Variants in SNX30 observed in about 807,000 individuals in gnomAD.
SNX30 encodes sorting nexin-30.
A neutral mutation model predicts 46.4 loss-of-function variants in SNX30; 24 were observed. That is an observed-to-expected ratio of 0.52 (90% confidence interval 0.37 to 0.73). SNX30 has a LOEUF of 0.73. SNX30 is among the 30% of genes least tolerant of loss of function. SNX30 has a pLI of 0.00. For missense variants in SNX30, 533 were observed against 555.7 expected (o/e 0.96, Z 0.41); for synonymous variants, 189 against 211.5 (o/e 0.89, Z 0.92).
downstream of SNX30, among the ~76,000 whole-genome samples, chr9:112,884,499 A>G (rs1841620915): frequency 3.3e-5 from 5 of 152,306 alleles, no homozygotes; most frequent in South Asian, 6.2e-4. Context: ...CTCCCTTTAC[A>G]CCAGAGATTC....
intron 1 of SNX30, among the ~76,000 whole-genome samples, chr9:112,797,684 GCT>G (rs1026947557): frequency 6.7e-6 from 1 of 148,416 alleles, no homozygotes; most frequent in African/African-American, 2.5e-5. Flanking sequence ...AGGTGCTTGC[GCT>G]CTCTCTTCTT....
At chr9:112,756,577 C>T (rs1181671415) in intron 1 of SNX30, among the ~76,000 whole-genome samples, 4 of 151,738 alleles carry the variant, frequency 2.6e-5, no homozygotes, top group African/African-American at 9.7e-5. Context: ...TTTCCTGCCT[C>T]AGCCTCCTGA....
At chr9:112,833,292 G>A (rs1457346590) in intron 4 of SNX30, among the ~76,000 whole-genome samples, 5 of 151,328 alleles carry the variant, frequency 3.3e-5, no homozygotes, top group Admixed American at 2.6e-4. Context: ...TTCTGCCTTA[G>A]GGAATGCAGA....
Position 112,804,717 on chromosome 9 carries a change from T to C in SNX30, c.157-59T>C, listed in dbSNP as rs1048418299. 2.1e-6 allele frequency: 3 copies of C among 1,409,372 alleles called. No homozygotes were observed. The African/African-American group carries it at 5.7e-5, about 27-fold the overall frequency. 87.3% of individuals were successfully genotyped at this position (1,409,372 alleles called of 1,614,324 possible). Reference sequence around the variant, plus strand: ...ATTGGTTTGGCTAAACCAGCTGCTTTTGCTGATACTCTCCAGTATGTTTTC... The same window carrying C: ...ATTGGTTTGGCTAAACCAGCTGCTTCTGCTGATACTCTCCAGTATGTTTTC... On this transcript the variant is annotated intron_variant, in intron 1 of 8. Coordinates refer to ENST00000374232, the MANE Select transcript of SNX30 (RefSeq NM_001012994.2).
chr9:112,762,343 C>T (rs940270512), intron 1 of SNX30, among the ~76,000 whole-genome samples: 4 of 152,002 alleles, frequency 2.6e-5, no homozygotes, highest in African/African-American at 7.3e-5. Context: ...CGAGTGCAGG[C>T]GCTTTTCAAA....
intron 1 of SNX30, among the ~76,000 whole-genome samples, chr9:112,760,613 A>G (rs1468919557): frequency 6.6e-6 from 1 of 152,202 alleles, no homozygotes. Context: ...GAAGAGGGGC[A>G]AGATCATTTG....
Position 112,751,102 on chromosome 9 carries a change from G to A in SNX30, c.101G>A (p.Gly34Asp). 1 of 1,520,992 alleles carries A rather than the reference G, an allele frequency of 6.6e-7. No homozygotes were observed. 94.2% of individuals were successfully genotyped at this position (1,520,992 alleles called of 1,614,324 possible). The part of the protein sequence containing the change: ...LAGSSSEEAV[G>D]GDSTPSPDLL... The stretch of plus-strand genomic sequence containing the variant: ...GGCTCCAGCAGCGAGGAGGCCGTGG[G>A]TGGTGACAGCACGCCCAGCCCGGAC... Residue 34 changes from glycine to aspartate, a missense_variant, in exon 1 of 9, where the codon GGT (glycine) becomes GAT (aspartate). Physicochemically the swap from Gly to Asp is moderately conservative, Grantham distance 94 (BLOSUM62 -1). Around this residue, in one of 3 missense-constraint regions of SNX30, gnomAD observed 191 missense variants for 160.3 expected, o/e 1.19. Transcript: ENST00000374232.
At chr9:112,838,990 T>C (rs1840813746) in intron 6 of SNX30, among the ~76,000 whole-genome samples, 1 of 152,164 alleles carries the variant, frequency 6.6e-6, no homozygotes, top group Middle Eastern at 3.2e-3. Flanking sequence ...AAGTAATAAT[T>C]AGAGCTCTTG....
intron 3 of SNX30, among the ~76,000 whole-genome samples, chr9:112,818,199 CTTTT>C (rs10574279): frequency 4.5e-4 from 52 of 114,358 alleles, no homozygotes; most frequent in Admixed American, 5.3e-4. Flanking sequence ...AAATTTAAAT[CTTTT>C]TTTTTTTTTT....
chr9:112,759,642 T>C (rs1367696908), intron 1 of SNX30, among the ~76,000 whole-genome samples: 1 of 151,590 alleles, frequency 6.6e-6, no homozygotes, highest in Non-Finnish European at 1.5e-5. Flanking sequence ...GGCAGGAGAA[T>C]CGCTTGAACC....
chr9:112,845,312 CTG>C (rs536381792), intron 6 of SNX30, among the ~76,000 whole-genome samples: 286 of 152,292 alleles, frequency 1.9e-3, no homozygotes, highest in Admixed American at 3.4e-3. Flanking sequence ...TTGAAACCGA[CTG>C]TGGGGGAAAA....
intron 4 of SNX30, among the ~76,000 whole-genome samples, chr9:112,835,829 A>G (rs769125111): frequency 1.5e-4 from 23 of 151,848 alleles, no homozygotes; most frequent in Non-Finnish European, 3.1e-4. Context: ...TAAATGAGTG[A>G]TGGATCTCGG....
At chr9:112,829,874 G>A (rs2131443047) in intron 3 of SNX30, among the ~76,000 whole-genome samples, 1 of 152,022 alleles carries the variant, frequency 6.6e-6, no homozygotes, top group Admixed American at 6.5e-5. Flanking sequence ...GTGCTTCTTA[G>A]CCATTTGGAT....
chr9:112,811,827 G>A (rs771822294), intron 2 of SNX30, among the ~76,000 whole-genome samples: 3 of 152,090 alleles, frequency 2.0e-5, no homozygotes, highest in African/African-American at 4.8e-5. Flanking sequence ...TATGCTTTTC[G>A]TTCTTTTAAA....
chr9:112,812,539 C>T (rs949620526), intron 2 of SNX30, among the ~76,000 whole-genome samples: 6 of 152,124 alleles, frequency 3.9e-5, no homozygotes, highest in African/African-American at 1.4e-4. Flanking sequence ...CAGGTGTGAG[C>T]CACCGTAGTG....
intron 8 of SNX30, among the ~76,000 whole-genome samples, chr9:112,866,935 C>CT (rs1841359068): frequency 6.8e-6 from 1 of 146,860 alleles, no homozygotes; most frequent in Non-Finnish European, 1.5e-5. Flanking sequence ...CTCCTCCCAC[C>CT]TCCTCAGAAT....
chr9:112,763,363 T>TC (rs1369488806), intron 1 of SNX30, among the ~76,000 whole-genome samples: 46 of 68,360 alleles, frequency 6.7e-4, no homozygotes, highest in African/African-American at 2.3e-3. Flanking sequence ...ATTTAAACTT[T>TC]TTTTTTTTTT....
At chr9:112,867,623 C>T (rs1369650772) in intron 8 of SNX30, among the ~76,000 whole-genome samples, 1 of 151,594 alleles carries the variant, frequency 6.6e-6, no homozygotes, top group African/African-American at 2.4e-5. Context: ...GCTCCTCCCA[C>T]CTCCTCAGAA....
At chr9:112,861,423 G>A (rs1326909558) in intron 7 of SNX30, among the ~76,000 whole-genome samples, 9 of 152,180 alleles carry the variant, frequency 5.9e-5, no homozygotes, top group African/African-American at 7.2e-5. Flanking sequence ...CTAGTGAGGC[G>A]GAGGATATTA....
Sources: gnomAD v4.1 joint callset for allele counts (sites outside exome capture counted in the v4.1 genomes callset) on GRCh38, gnomAD v4.1.1 for gene constraint, gnomAD v4.1.1 regional missense constraint, MANE v1.5 for transcripts, NCBI Gene and HGNC (gene_info 2026-07-23, HGNC 2026-07-21) for gene names.